Variants in ITGB3 observed in about 807,000 individuals in gnomAD.
ITGB3 encodes the protein integrin subunit beta 3.
A neutral mutation model predicts 85.8 loss-of-function variants in ITGB3; 48 were observed. The ratio of observed to expected loss-of-function variants is 0.56; its 90% CI spans 0.44 to 0.71. The LOEUF is 0.71. ITGB3 is among the 30% of genes least tolerant of loss of function. The probability of loss-of-function intolerance (pLI) is 0.00; values close to 1 mark genes in which losing one functional copy is unlikely to be tolerated. For missense variants in ITGB3, 861 were observed against 1,019.1 expected (o/e 0.84, Z 2.11); for synonymous variants, 363 against 395.6 (o/e 0.92, Z 0.98).
chr17:47,274,647 T>C (rs2065056671), intron 2 of ITGB3, 143 bp downstream of exon 2: 1 of 724,198 alleles, frequency 1.4e-6, no homozygotes, highest in Non-Finnish European at 2.4e-6. Context: ...TTTTTCCCAT[T>C]GATGCATGGT....
At chr17:47,288,233 AG>A (rs2065111352) in intron 6 of ITGB3, among the ~76,000 whole-genome samples, 1 of 87,616 alleles carries the variant, frequency 1.1e-5, no homozygotes, top group African/African-American at 4.1e-5. Flanking sequence ...AGAGAGAGAG[AG>A]AGAGAGAAAG....
chr17:47,273,942 C>T (rs971423279), intron 1 of ITGB3, among the ~76,000 whole-genome samples: 13 of 152,226 alleles, frequency 8.5e-5, no homozygotes, highest in African/African-American at 3.1e-4. Flanking sequence ...TCACCTCACC[C>T]TCCACGCCCC....
At chr17:47,291,215 T>G (rs1488479647) in intron 9 of ITGB3, 127 bp downstream of exon 9, 2 of 1,099,310 alleles carry the variant, frequency 1.8e-6, no homozygotes, top group Admixed American at 1.9e-5. Flanking sequence ...GAAAAATACG[T>G]TTCCTGAAAG....
chr17:47,292,258 C>T lies in ITGB3; in HGVS notation c.1380C>T (p.Asp460=), dbSNP rs781359005. 2 of 1,614,224 alleles carry T rather than the reference C, an allele frequency of 1.2e-6. No individual in the cohort carries two copies. The highest frequency in any genetic ancestry group is 2.2e-5 in the South Asian group (2 of 91,088). Residue 460 remains aspartate (D), a synonymous_variant, in exon 10 of 15, where the codon GAC becomes GAT. Transcript: ENST00000559488. ...TCGTCCAGGTCACCTTTGATTGTGACTGTGCCTGCCAGGCCCAAGCTGAAC... is the reference window on the plus strand; with the variant it reads ...TCGTCCAGGTCACCTTTGATTGTGATTGTGCCTGCCAGGCCCAAGCTGAAC... ...SLIVQVTFDC[D]CACQAQAEPN...
intron 13 of ITGB3, among the ~76,000 whole-genome samples, chr17:47,304,971 C>A (rs2065181958): frequency 2.0e-5 from 3 of 152,128 alleles, no homozygotes. Context: ...GACCTTGGGT[C>A]ATTTGCCATT....
chr17:47,254,342 C>T (rs931502085), intron 1 of ITGB3, among the ~76,000 whole-genome samples: 7 of 152,306 alleles, frequency 4.6e-5, no homozygotes, highest in African/African-American at 1.7e-4. Flanking sequence ...GGGGTTGTTC[C>T]CGCGCCTTGG....
Position 47,289,678 on chromosome 17 carries a change from T to C in ITGB3, c.940-3T>C, listed in dbSNP as rs775987879. The C allele has an allele frequency of 6.2e-7, 1 of 1,606,932 alleles. No homozygotes were observed. The highest frequency in any genetic ancestry group is 8.5e-7 in the Non-Finnish European group (1 of 1,173,366). ...TTAACCTCTACATCCTTCATTTTCC[T>C]AGGATTATCCCTCTTTGGGGCTGAT... On this transcript the variant is annotated splice_polypyrimidine_tract_variant and splice_region_variant and intron_variant, in intron 6 of 14. Transcript: ENST00000559488.
chr17:47,302,013 A>T (rs1004234790), intron 12 of ITGB3, among the ~76,000 whole-genome samples: 5 of 152,074 alleles, frequency 3.3e-5, no homozygotes, highest in African/African-American at 1.2e-4. Flanking sequence ...ACCTGGGTAC[A>T]TTTGCTTAAT....
rs1278708865 is a variant in ITGB3, at chr17:47,259,670, C to T, written c.79+5730C>T. Among the ~76,000 whole-genome samples the T allele has an allele frequency of 2.6e-5, 4 of 152,114 alleles. No individual in the cohort carries two copies. In the East Asian group the frequency reaches 5.8e-4, roughly 22 times the overall value. The stretch of plus-strand genomic sequence containing the variant: ...ATCCCAGCACTTTGGGAGGCCGAGG[C>T]GGGCGGATCACCTGAGGTCAGGAGT... On this transcript the variant is annotated intron_variant, in intron 1 of 14. Coordinates refer to ENST00000559488, the MANE Select transcript of ITGB3 (RefSeq NM_000212.3).
At chr17:47,307,945 C>A (rs961566564) in intron 14 of ITGB3, among the ~76,000 whole-genome samples, 5 of 152,068 alleles carry the variant, frequency 3.3e-5, no homozygotes. Flanking sequence ...GTGGGCAGAT[C>A]ACTTGAGCTC....
rs1172534665 is a variant in ITGB3, at chr17:47,310,382, GTGTT to G, written c.*180_*183del. 5 of 690,100 alleles carry G rather than the reference GTGTT, an allele frequency of 7.2e-6. No individual in the cohort carries two copies. The highest frequency in any genetic ancestry group is 2.0e-5 in the Admixed American group (1 of 49,440). 42.7% of individuals were successfully genotyped at this position (690,100 alleles called of 1,614,324 possible). Reference sequence around the variant, plus strand: ...TGTGTGTGTGTATGTGGGGGTCTGTGTGTTTATGTGTGTGTGTTGTGTGTGGGAG... The same window carrying G: ...TGTGTGTGTGTATGTGGGGGTCTGTGTATGTGTGTGTGTTGTGTGTGGGAG... On this transcript the variant is annotated 3_prime_UTR_variant, in exon 15 of 15. Transcript: ENST00000559488.
In ITGB3 at chr17:47,287,158, C is replaced by T; in HGVS notation, c.866C>T (p.Ala289Val). The change falls in exon 6 of 15, where the codon GCA becomes GTA. Residue 289 changes from alanine to valine, a missense_variant. Coordinates refer to ENST00000559488, the MANE Select transcript of ITGB3 (RefSeq NM_000212.3). ...CATATAGCATTGGACGGAAGGCTGG[C>T]AGGCATTGTCCAGCCTAATGACGGG... ...KTHIALDGRL[A>V]GIVQPNDGQC... 6.2e-7 allele frequency: 1 copy of T among 1,613,862 alleles called. No homozygotes were observed. The highest frequency in any genetic ancestry group is 1.1e-5 in the South Asian group (1 of 91,064).
intron 10 of ITGB3, among the ~76,000 whole-genome samples, chr17:47,293,228 T>A (rs1372647077): frequency 6.6e-6 from 1 of 152,178 alleles, no homozygotes; most frequent in Non-Finnish European, 1.5e-5. Flanking sequence ...TTTTAAGTCC[T>A]TCTACTCAGC....
chr17:47,313,347 CTT>C lies in ITGB3; in HGVS notation c.*3159_*3160del, dbSNP rs11381846. ...AGTATTCCTGGTTGAAATTTCTTTT[CTT>C]TTTTTTTTTTTTTTTGAGACAGAGT... is the stretch of plus-strand genomic sequence containing the variant. On this transcript the variant is annotated 3_prime_UTR_variant, in exon 15 of 15. Coordinates refer to ENST00000559488, the MANE Select transcript of ITGB3 (RefSeq NM_000212.3). Among the ~76,000 whole-genome samples, 8 of 128,288 alleles carry C rather than the reference CTT, an allele frequency of 6.2e-5. No individual in the cohort carries two copies. Among genetic ancestry groups the C allele is most frequent in the Admixed American group, 1.6e-4 (2 of 12,508 alleles). 84.2% of individuals were successfully genotyped at this position (128,288 alleles called of 152,430 possible). A position where few individuals can be genotyped will look rare whatever the true frequency, so the allele number is the denominator to read the frequency against.
At chr17:47,262,342 A>G (rs963902079) in intron 1 of ITGB3, among the ~76,000 whole-genome samples, 1 of 152,314 alleles carries the variant, frequency 6.6e-6, no homozygotes, top group East Asian at 1.9e-4. Flanking sequence ...AGCTTGGTAC[A>G]GACCTGCTTC....
rs184806329 is a variant in ITGB3 at position 47,312,770 on chromosome 17, C to T, written c.*2566C>T. Among the ~76,000 whole-genome samples, 754 of 152,248 alleles carry T rather than the reference C, an allele frequency of 5.0e-3. 3 individuals carry two copies. The highest frequency in any genetic ancestry group is 7.9e-3 in the Non-Finnish European group (538 of 68,020). ...GCTGCATTCATGAGGTAGCAAATAG[C>T]AGTTTTGGCCTGTGGGGTGAACAGC... On this transcript the variant is annotated 3_prime_UTR_variant, in exon 15 of 15. Transcript: ENST00000559488.
chr17:47,298,500 C>T (rs1024587392), intron 10 of ITGB3, among the ~76,000 whole-genome samples: 17 of 152,186 alleles, frequency 1.1e-4, no homozygotes, highest in African/African-American at 4.1e-4. Context: ...TCAGGGTGCT[C>T]TGTGTGCACT....
chr17:47,272,700 CTTCTTTCTTTCT>C (rs143829232), intron 1 of ITGB3, among the ~76,000 whole-genome samples: 8 of 139,724 alleles, frequency 5.7e-5, no homozygotes, highest in African/African-American at 1.9e-4. Context: ...TCTTTCTTTC[CTTCTTTCTTTCT>C]TTCTTTCTTT....
chr17:47,283,365 G>A lies in ITGB3; in HGVS notation c.177G>A (p.Leu59=), dbSNP rs776185355. 2 of 1,614,130 alleles carry A rather than the reference G, an allele frequency of 1.2e-6. No homozygotes were observed. Among genetic ancestry groups the A allele is most frequent in the Non-Finnish European group, 8.5e-7 (1 of 1,180,006 alleles). ...CAWCSDEALP[L]GSPRCDLKEN... is the part of the protein sequence containing the mutation. The stretch of plus-strand genomic sequence containing the variant: ...CTCCTGTCTTACAGGCCCTGCCTCT[G>A]GGCTCACCTCGCTGTGACCTGAAGG... Residue 59 remains leucine (L), a synonymous_variant, in exon 3 of 15, where the codon CTG becomes CTA. Transcript: ENST00000559488.
Sources: gnomAD v4.1 joint callset for allele counts (sites outside exome capture counted in the v4.1 genomes callset) on GRCh38, gnomAD v4.1.1 for gene constraint, MANE v1.5 for transcripts, NCBI Gene and HGNC (gene_info 2026-07-23, HGNC 2026-07-21) for gene names.